Variants in EYS observed in about 807,000 individuals in gnomAD.
EYS encodes the protein EGF-like photoreceptor maintenance factor, also known as protein eyes shut homolog.
EYS carries 250 observed loss-of-function variants against 282.1 expected under a neutral mutation model. The observed-to-expected ratio is 0.89, with a 90% CI of 0.80 to 0.98. EYS has a LOEUF of 0.98. Ranked by LOEUF, EYS falls within the 50% of genes least tolerant of loss-of-function variation. The pLI, the probability that EYS is intolerant of heterozygous loss-of-function variation, is 0.00. For missense variants in EYS, 4,016 were observed against 3,709.0 expected (o/e 1.08, Z -2.15); for synonymous variants, 1,355 against 1,282.9 (o/e 1.06, Z -1.20).
At chr6:64,413,431 G>A (rs1218618797) in intron 28 of EYS, among the ~76,000 whole-genome samples, 1 of 151,828 alleles carries the variant, frequency 6.6e-6, no homozygotes, top group African/African-American at 2.4e-5. Context: ...CTCCATCTGG[G>A]ACCATGATTG....
intron 12 of EYS, among the ~76,000 whole-genome samples, chr6:65,147,502 T>C (rs2150212836): frequency 6.6e-6 from 1 of 152,188 alleles, no homozygotes; most frequent in South Asian, 2.1e-4. Flanking sequence ...ACTATTATTA[T>C]ATATTTCCCT....
chr6:63,798,945 A>G (rs1466019048), intron 37 of EYS, among the ~76,000 whole-genome samples: 3 of 141,386 alleles, frequency 2.1e-5, no homozygotes, highest in Non-Finnish European at 4.5e-5. Context: ...TCTAAAATAT[A>G]TATATATATG....
At chr6:65,179,331 G>A (rs572979669) in intron 12 of EYS, among the ~76,000 whole-genome samples, 19 of 151,244 alleles carry the variant, frequency 1.3e-4, no homozygotes, top group African/African-American at 4.4e-4. Flanking sequence ...GACTAATAAA[G>A]AAGAGAGAAG....
chr6:65,000,139 T>C lies in EYS; in HGVS notation c.2138-2436A>G, dbSNP rs561804771. Among the ~76,000 whole-genome samples, 376 of 152,220 alleles carry C rather than the reference T, an allele frequency of 2.5e-3. 2 individuals are homozygous for C. The highest frequency in any genetic ancestry group is 0.021 in the South Asian group (101 of 4,818). On this transcript the variant is annotated intron_variant, in intron 13 of 42. Transcript: ENST00000503581. Reference sequence around the variant, plus strand: ...TTCAGGAGCTGTAGACATTCACCCCTATGCACTGCGGTGGAGTCAGAGCTC... The same window carrying C: ...TTCAGGAGCTGTAGACATTCACCCCCATGCACTGCGGTGGAGTCAGAGCTC...
chr6:64,950,624 T>C (rs1254308468), intron 14 of EYS, among the ~76,000 whole-genome samples: 1 of 150,850 alleles, frequency 6.6e-6, no homozygotes, highest in African/African-American at 2.4e-5. Flanking sequence ...AAAAATATTT[T>C]ATAAAATTCA....
chr6:64,034,178 A>C (rs1770001595), intron 33 of EYS, among the ~76,000 whole-genome samples: 2 of 152,186 alleles, frequency 1.3e-5, no homozygotes, highest in Admixed American at 6.5e-5. Flanking sequence ...ACAAACAAAC[A>C]AAAATAAAGT....
At chr6:65,040,347 C>T (rs1034595207) in intron 13 of EYS, among the ~76,000 whole-genome samples, 3 of 151,642 alleles carry the variant, frequency 2.0e-5, no homozygotes, top group African/African-American at 4.8e-5. Flanking sequence ...GTCTGTCATT[C>T]GATGGCTTGT....
chr6:65,349,627 T>G (rs1015403257), intron 9 of EYS, among the ~76,000 whole-genome samples: 1 of 151,502 alleles, frequency 6.6e-6, no homozygotes, highest in South Asian at 2.1e-4. Flanking sequence ...ATCTAGCTAA[T>G]TAACATATGC....
chr6:63,752,603 C>A (rs1386677628), intron 41 of EYS, among the ~76,000 whole-genome samples: 1 of 151,668 alleles, frequency 6.6e-6, no homozygotes, highest in Non-Finnish European at 1.5e-5. Context: ...CACCATTCTC[C>A]TGCCTCAGCC....
At chr6:64,663,371 T>C (rs1355032111) in intron 22 of EYS, among the ~76,000 whole-genome samples, 1 of 87,588 alleles carries the variant, frequency 1.1e-5, no homozygotes, top group Non-Finnish European at 2.4e-5. Context: ...AATTGGACAG[T>C]TAACAACTTT....
At chr6:64,068,942 T>TA (rs1173949774) in intron 32 of EYS, among the ~76,000 whole-genome samples, 1 of 147,436 alleles carries the variant, frequency 6.8e-6, no homozygotes, top group Non-Finnish European at 1.5e-5. Context: ...CGGTGGGCCT[T>TA]AAACATAGAC....
chr6:65,186,729 GT>G (rs1765525543), intron 12 of EYS, among the ~76,000 whole-genome samples: 1 of 151,762 alleles, frequency 6.6e-6, no homozygotes, highest in Admixed American at 6.6e-5. Flanking sequence ...TCAGAACGGT[GT>G]CGCCTCTTAG....
At chr6:64,530,758 G>A (rs957202515) in intron 26 of EYS, among the ~76,000 whole-genome samples, 17 of 151,962 alleles carry the variant, frequency 1.1e-4, no homozygotes, top group Admixed American at 1.1e-3. Context: ...AGGGAGGAAG[G>A]AATCTAAAAA....
intron 13 of EYS, among the ~76,000 whole-genome samples, chr6:65,014,688 G>T (rs1202665287): frequency 2.0e-5 from 3 of 152,138 alleles, no homozygotes; most frequent in African/African-American, 7.2e-5. Context: ...ATTATAATAT[G>T]CCATCGATTT....
At chr6:65,277,360 G>A (rs1014208872) in intron 12 of EYS, among the ~76,000 whole-genome samples, 1 of 151,556 alleles carries the variant, frequency 6.6e-6, no homozygotes, top group Non-Finnish European at 1.5e-5. Context: ...TTGAACCCGG[G>A]AGCCAGAGGT....
At position 64,732,657 on chromosome 6, in the gene EYS, T is replaced by C. The variant is rs112798425; in HGVS notation, c.3443+80721A>G. ...GGATAAAAGGAAATAATAAACTTCATAGTGCTCAGCTTCAAACCCAAACCT... is the reference window on the plus strand; with the variant it reads ...GGATAAAAGGAAATAATAAACTTCACAGTGCTCAGCTTCAAACCCAAACCT... On this transcript the variant is annotated intron_variant, in intron 22 of 42. Transcript: ENST00000503581. 3.7e-3 allele frequency among the ~76,000 whole-genome samples: 563 copies of C among 152,308 alleles called. 5 individuals are homozygous for C. Among genetic ancestry groups the C allele is most frequent in the African/African-American group, 0.013 (529 of 41,562 alleles).
intron 41 of EYS, among the ~76,000 whole-genome samples, chr6:63,735,534 C>G (rs747334870): frequency 6.6e-6 from 1 of 151,562 alleles, no homozygotes; most frequent in Non-Finnish European, 1.5e-5. Flanking sequence ...ATTATTAGAC[C>G]TTTTTCCCAA....
At chr6:65,259,513 G>A (rs995851233) in intron 12 of EYS, among the ~76,000 whole-genome samples, 14 of 151,996 alleles carry the variant, frequency 9.2e-5, no homozygotes, top group African/African-American at 2.9e-4. Flanking sequence ...TTTTATACTT[G>A]AATGCAAATT....
chr6:65,436,181 G>A (rs1768068804), intron 5 of EYS, among the ~76,000 whole-genome samples: 1 of 152,018 alleles, frequency 6.6e-6, no homozygotes, highest in Admixed American at 6.6e-5. Flanking sequence ...ACAAAATCAT[G>A]GCTCATCTTT....
Sources: gnomAD v4.1 joint callset for allele counts (sites outside exome capture counted in the v4.1 genomes callset) on GRCh38, gnomAD v4.1.1 for gene constraint, MANE v1.5 for transcripts, NCBI Gene and HGNC (gene_info 2026-07-23, HGNC 2026-07-21) for gene names.